Variants in SMCHD1 observed in about 807,000 individuals in gnomAD.
SMCHD1 encodes structural maintenance of chromosomes flexible hinge domain-containing protein 1.
A neutral mutation model predicts 254.7 loss-of-function variants in SMCHD1; 78 were observed. That is an observed-to-expected ratio of 0.31 (90% CI 0.26 to 0.37). The LOEUF (loss-of-function observed/expected upper bound fraction) is 0.37, where lower values mean the gene tolerates loss of function less well. Ranked by LOEUF, SMCHD1 falls within the 10% of genes least tolerant of loss-of-function variation. The pLI is 1.00. For missense variants in SMCHD1, 1,840 were observed against 2,408.1 expected (o/e 0.76, Z 4.94); for synonymous variants, 766 against 794.9 (o/e 0.96, Z 0.61).
chr18:2,792,562 A>G (rs564664878), intron 45 of SMCHD1, among the ~76,000 whole-genome samples: 1 of 152,334 alleles, frequency 6.6e-6, no homozygotes, highest in African/African-American at 2.4e-5. Flanking sequence ...AACATGTCCC[A>G]TGAGGAAAAG....
At chr18:2,659,235 G>C (rs184783833) in intron 1 of SMCHD1, among the ~76,000 whole-genome samples, 1 of 151,964 alleles carries the variant, frequency 6.6e-6, no homozygotes, top group Non-Finnish European at 1.5e-5. Flanking sequence ...CTCCTGCCTC[G>C]GCCTCTTGAG....
Position 2,772,339 on chromosome 18 carries a change from C to T in SMCHD1, c.5142C>T (p.Asn1714=), listed in dbSNP as rs1267922136. 2 of 1,599,436 alleles carry T rather than the reference C, an allele frequency of 1.3e-6. No individual in the cohort carries two copies. The change falls in exon 41 of 48, where the codon AAC becomes AAT. Residue 1714 remains asparagine (N), a synonymous_variant. Coordinates refer to ENST00000320876, the MANE Select transcript of SMCHD1 (RefSeq NM_015295.3). ...CTAGAAGATCGTGTACTCTTCCAAA[C>T]TATACTAAAGGCAGTGGAGATGTTT... The part of the protein sequence containing the change: ...KKPRRSCTLP[N]YTKGSGDVLG...
Position 2,751,403 on chromosome 18 carries a change from G to A in SMCHD1, c.4281+10G>A, listed in dbSNP as rs767833762. The A allele has an allele frequency of 6.7e-6, 10 of 1,491,512 alleles. No individual in the cohort carries two copies. The African/African-American group carries it at 1.0e-4, about 15-fold the overall frequency. The allele number at this position is 1,491,512 out of a possible 1,614,324, so 92.4% of individuals were successfully genotyped here. On this transcript the variant is annotated intron_variant, in intron 33 of 47. Coordinates refer to ENST00000320876, the MANE Select transcript of SMCHD1 (RefSeq NM_015295.3). ...CCGACCCCCAGCAAATGTGAGTCATGGGAAGCATTTTTTGAAGTTAAAAAT... is the reference window on the plus strand; with the variant it reads ...CCGACCCCCAGCAAATGTGAGTCATAGGAAGCATTTTTTGAAGTTAAAAAT...
intron 17 of SMCHD1, among the ~76,000 whole-genome samples, chr18:2,712,540 C>A (rs922729580): frequency 6.6e-6 from 1 of 152,190 alleles, no homozygotes; most frequent in Non-Finnish European, 1.5e-5. Flanking sequence ...CAGAGGCCAA[C>A]TTTTCATATA....
chr18:2,794,852 TTAAAA>T (rs1228454115), intron 45 of SMCHD1, among the ~76,000 whole-genome samples: 1 of 152,336 alleles, frequency 6.6e-6, no homozygotes, highest in East Asian at 1.9e-4. Flanking sequence ...TATATATAGT[TTAAAA>T]TAAGTTGGAT....
At chr18:2,708,910 CATATT>C (rs200809545) in intron 17 of SMCHD1, among the ~76,000 whole-genome samples, 2,175 of 43,596 alleles carry the variant, frequency 0.05, 196 homozygotes, top group African/African-American at 0.11. Flanking sequence ...ATATATATAA[CATATT>C]AACATGAAAT....
chr18:2,773,916 CTG>C (rs2076024417), intron 41 of SMCHD1, among the ~76,000 whole-genome samples: 1 of 152,068 alleles, frequency 6.6e-6, no homozygotes, highest in African/African-American at 2.4e-5. Flanking sequence ...GAGCGAGACT[CTG>C]TCTCAAAAAA....
intron 47 of SMCHD1, among the ~76,000 whole-genome samples, chr18:2,797,208 G>A (rs758964285): frequency 1.3e-5 from 2 of 152,008 alleles, no homozygotes; most frequent in Non-Finnish European, 1.5e-5. Context: ...ATAATTTTTG[G>A]TTTGGAGAAT....
At chr18:2,695,240 CA>C (rs1568162262) in intron 8 of SMCHD1, among the ~76,000 whole-genome samples, 1 of 151,738 alleles carries the variant, frequency 6.6e-6, no homozygotes. Flanking sequence ...ATTCCAGTAA[CA>C]CTTGTAGGGA....
At chr18:2,669,180 TA>T (rs1167262085) in intron 3 of SMCHD1, among the ~76,000 whole-genome samples, 1 of 151,984 alleles carries the variant, frequency 6.6e-6, no homozygotes, top group African/African-American at 2.4e-5. Flanking sequence ...ACCCCATCTT[TA>T]CAAAAAAATA....
intron 25 of SMCHD1, among the ~76,000 whole-genome samples, chr18:2,734,924 A>G (rs1029772112): frequency 6.6e-6 from 1 of 151,916 alleles, no homozygotes; most frequent in Non-Finnish European, 1.5e-5. Context: ...ACAAAAATTT[A>G]GCCAGGCATG....
rs2076195970 is a variant in SMCHD1, at chr18:2,783,772, C to T, written c.5548-678C>T. Among the ~76,000 whole-genome samples, 5 of 152,096 alleles carry T rather than the reference C, an allele frequency of 3.3e-5. No homozygotes were observed. The South Asian group carries it at 8.3e-4, about 25-fold the overall frequency. Reference sequence around the variant, plus strand: ...GTTTTTAGTAGAGATGAGGTTTCAACATGTTGGTCAGGCTGGTCTCGAACT... The same window carrying T: ...GTTTTTAGTAGAGATGAGGTTTCAATATGTTGGTCAGGCTGGTCTCGAACT... On this transcript the variant is annotated intron_variant, in intron 44 of 47. Coordinates refer to ENST00000320876, the MANE Select transcript of SMCHD1 (RefSeq NM_015295.3).
chr18:2,716,011 G>A (rs754548326), intron 17 of SMCHD1, among the ~76,000 whole-genome samples: 3 of 152,066 alleles, frequency 2.0e-5, no homozygotes, highest in Non-Finnish European at 4.4e-5. Context: ...CTTTGTATCC[G>A]TAGTAGTAGT....
chr18:2,683,187 C>T (rs1452688955), intron 5 of SMCHD1, among the ~76,000 whole-genome samples: 2 of 151,834 alleles, frequency 1.3e-5, no homozygotes, highest in African/African-American at 4.8e-5. Context: ...AACTTATTTC[C>T]TAGAAGTATT....
intron 13 of SMCHD1, 136 bp downstream of exon 13, chr18:2,704,022 A>G (rs1241009609): frequency 1.6e-6 from 1 of 613,054 alleles, no homozygotes; most frequent in African/African-American, 1.9e-5. Flanking sequence ...CATGAAGAAC[A>G]TTTATTCAGA....
chr18:2,786,627 G>A (rs964894240), intron 45 of SMCHD1, among the ~76,000 whole-genome samples: 3 of 152,132 alleles, frequency 2.0e-5, no homozygotes, highest in Non-Finnish European at 4.4e-5. Flanking sequence ...GGGAGGCAGA[G>A]GTTGCAGTGA....
chr18:2,744,706 T>G (rs1470756526), intron 29 of SMCHD1, among the ~76,000 whole-genome samples: 1 of 152,202 alleles, frequency 6.6e-6, no homozygotes, highest in Non-Finnish European at 1.5e-5. Context: ...CATCATACAA[T>G]AGATCTTTTG....
At position 2,665,158 on chromosome 18, in the gene SMCHD1, A is replaced by G. The variant is rs188475227; in HGVS notation, c.187-999A>G. Among the ~76,000 whole-genome samples, 631 of 152,364 alleles carry G rather than the reference A, an allele frequency of 4.1e-3. 4 individuals are homozygous for G. Among genetic ancestry groups the G allele is most frequent in the African/African-American group, 0.015 (610 of 41,594 alleles). ...GTATGTTTTAATTCTAATGTAAATG[A>G]AAATGTTAACCACTTTTCTAATTCT... is the stretch of plus-strand genomic sequence containing the variant. On this transcript the variant is annotated intron_variant, in intron 1 of 47. Transcript: ENST00000320876.
chr18:2,707,300 G>GA (rs200456574), intron 15 of SMCHD1: 991 of 236,172 alleles, frequency 4.2e-3, no homozygotes, highest in East Asian at 6.5e-3. Context: ...TAAACAAGTA[G>GA]AAAAAAAAAA....
Sources: allele counts gnomAD v4.1 joint callset (sites outside exome capture counted in the v4.1 genomes callset), GRCh38; gene constraint gnomAD v4.1.1; transcripts MANE v1.5; gene names NCBI Gene and HGNC (gene_info 2026-07-23, HGNC 2026-07-21).